Variants in CXCL12 observed in about 807,000 individuals in gnomAD.
CXCL12 encodes the protein stromal cell-derived factor 1.
Under a neutral mutation model 10.7 loss-of-function variants are expected in CXCL12, and 4 were observed. The observed-to-expected ratio is 0.37, with a 90% CI of 0.18 to 0.86. The LOEUF (loss-of-function observed/expected upper bound fraction) is 0.86. CXCL12 is among the 40% of genes least tolerant of loss of function. The pLI, the probability that CXCL12 is intolerant of heterozygous loss-of-function variation, is 0.43. For missense variants in CXCL12, 122 were observed against 110.4 expected (o/e 1.10, Z -0.47); for synonymous variants, 54 against 45.4 (o/e 1.19, Z -0.77).
intron 2 of CXCL12, 71 bp from the exon 3 acceptor site, chr10:44,378,794 T>C: frequency 6.7e-7 from 1 of 1,492,642 alleles, no homozygotes. Context: ...GTGCATCCGC[T>C]CCCCCAACAC....
chr10:44,374,753 T>C (rs1183079935), downstream of CXCL12: 1 of 444,148 alleles, frequency 2.3e-6, no homozygotes, highest in Admixed American at 2.4e-5. Flanking sequence ...CTCCAACCAC[T>C]TTCTCTTTCT....
chr10:44,378,515 C>A lies in CXCL12; in HGVS notation c.*118G>T. Reference sequence around the variant, plus strand: ...CCCAGATCAATGTGCCCACCCCACACACACACCTGGTCCTCATGGTTAAGG... The same window carrying A: ...CCCAGATCAATGTGCCCACCCCACAAACACACCTGGTCCTCATGGTTAAGG... On this transcript the variant is annotated 3_prime_UTR_variant, in exon 3 of 3. Coordinates refer to ENST00000343575, the MANE Select transcript of CXCL12 (RefSeq NM_199168.4). The A allele has an allele frequency of 1.3e-6, 2 of 1,561,000 alleles. No individual in the cohort carries two copies. Among genetic ancestry groups the A allele is most frequent in the East Asian group, 2.3e-5 (1 of 43,418 alleles).
At chr10:44,372,880 A>G, downstream of CXCL12, 1 of 1,534,092 alleles carries the variant, frequency 6.5e-7, no homozygotes, top group Non-Finnish European at 8.7e-7. Context: ...CACAGAGAGA[A>G]GCCTTCACTA....
In CXCL12 at chr10:44,380,409, A is replaced by T. The variant is rs1183694752; in HGVS notation, c.179+354T>A. On this transcript the variant is annotated intron_variant, in intron 2 of 2. Transcript: ENST00000343575. ...GATCCCCGAAACTGGCAGGCCAGTT[A>T]TCACTGTTATTAGCTAAGGGCTGGC... 4 of 212,850 alleles carry T rather than the reference A, an allele frequency of 1.9e-5. No homozygotes were observed. The Admixed American group carries it at 2.1e-4, about 11-fold the overall frequency. 13.2% of individuals were successfully genotyped at this position (212,850 alleles called of 1,614,324 possible). A position where few individuals can be genotyped will look rare whatever the true frequency, so the allele number is the denominator to read the frequency against.
At chr10:44,372,621 G>C, downstream of CXCL12, 1 of 1,332,472 alleles carries the variant, frequency 7.5e-7, no homozygotes, top group Non-Finnish European at 9.6e-7. Context: ...CTTTGGTCCT[G>C]AGAGTCCTTT....
downstream of CXCL12, chr10:44,371,345 T>A (rs763404361): frequency 2.1e-6 from 1 of 485,240 alleles, no homozygotes; most frequent in Non-Finnish European, 4.1e-6. Flanking sequence ...GTTCATGGAT[T>A]GGGGGCAGGT....
At chr10:44,371,219 G>C (rs1035428798), downstream of CXCL12, 2 of 259,288 alleles carry the variant, frequency 7.7e-6, no homozygotes, top group East Asian at 2.8e-4. Flanking sequence ...TTTCCCTGCA[G>C]TTTCTACTCT....
Position 44,385,035 on chromosome 10 carries a change from G to T in CXCL12, c.-30C>A, listed in dbSNP as rs899226039. On this transcript the variant is annotated 5_prime_UTR_variant, in exon 1 of 3. Coordinates refer to ENST00000343575, the MANE Select transcript of CXCL12 (RefSeq NM_199168.4). Reference sequence around the variant, plus strand: ...CGGGCGGGCGGGCGGGCGGGCGGACGAGCGCGGGTCGGGGGCCGGACGCCG... The same window carrying T: ...CGGGCGGGCGGGCGGGCGGGCGGACTAGCGCGGGTCGGGGGCCGGACGCCG... 7.0e-6 allele frequency: 10 copies of T among 1,435,392 alleles called. No homozygotes were observed. In the East Asian group the frequency reaches 2.9e-4, roughly 42 times the overall value. The allele number at this position is 1,435,392 out of a possible 1,614,324, so 88.9% of individuals were successfully genotyped here. A position where few individuals can be genotyped will look rare whatever the true frequency, so the allele number is the denominator to read the frequency against.
chr10:44,372,676 A>G, downstream of CXCL12: 1 of 1,410,144 alleles, frequency 7.1e-7, no homozygotes, highest in Non-Finnish European at 9.2e-7. Context: ...ATGATGGATG[A>G]GACAGAGAAT....
At chr10:44,372,697 A>G, downstream of CXCL12, 2 of 1,423,518 alleles carry the variant, frequency 1.4e-6, no homozygotes, top group Non-Finnish European at 1.8e-6. Flanking sequence ...GATGAGCAGA[A>G]CGTGGAGGAT....
chr10:44,375,831 C>G (rs530428719), downstream of CXCL12: 26 of 1,549,876 alleles, frequency 1.7e-5, no homozygotes, highest in African/African-American at 3.0e-4. Context: ...CCACGGAAGT[C>G]TGAGCCCCTG....
At chr10:44,383,619 G>T (rs1351302146) in intron 1 of CXCL12, among the ~76,000 whole-genome samples, 4 of 132,216 alleles carry the variant, frequency 3.0e-5, no homozygotes, top group Admixed American at 1.5e-4. Context: ...CGGGGGGGGG[G>T]GGGGGTCAGT....
downstream of CXCL12, chr10:44,371,436 C>G (rs1333041800): frequency 2.3e-6 from 1 of 427,804 alleles, no homozygotes; most frequent in Non-Finnish European, 4.6e-6. Flanking sequence ...CTCAATTATA[C>G]TGGTATAGTG....
chr10:44,380,755 A>G lies in CXCL12; in HGVS notation c.179+8T>C. On this transcript the variant is annotated splice_region_variant and intron_variant, in intron 2 of 2. Coordinates refer to ENST00000343575, the MANE Select transcript of CXCL12 (RefSeq NM_199168.4). ...GTTCGTTAGATGATGTTCAATTTCA[A>G]GACTTACACAATCTGAAGGGCACAG... 2 of 1,605,828 alleles carry G rather than the reference A, an allele frequency of 1.2e-6. No individual in the cohort carries two copies. The highest frequency in any genetic ancestry group is 8.5e-7 in the Non-Finnish European group (1 of 1,172,358).
At position 44,377,264 on chromosome 10, in the gene CXCL12, T is replaced by C; in HGVS notation, c.*1369A>G. The C allele has an allele frequency of 1.0e-6, 1 of 1,001,106 alleles. No homozygotes were observed. The highest frequency in any genetic ancestry group is 1.2e-6 in the Non-Finnish European group (1 of 839,776). 62.0% of individuals were successfully genotyped at this position (1,001,106 alleles called of 1,614,324 possible). A position where few individuals can be genotyped will look rare whatever the true frequency, so the allele number is the denominator to read the frequency against. On this transcript the variant is annotated 3_prime_UTR_variant, in exon 3 of 3. Coordinates refer to ENST00000343575, the MANE Select transcript of CXCL12 (RefSeq NM_199168.4). Reference sequence around the variant, plus strand: ...ATCACATTTATATATCATATATATTTCTTTACAAATTGCCAGTAGTTTGAG... The same window carrying C: ...ATCACATTTATATATCATATATATTCCTTTACAAATTGCCAGTAGTTTGAG...
chr10:44,379,371 T>C (rs1006607558), intron 2 of CXCL12, among the ~76,000 whole-genome samples: 1 of 152,160 alleles, frequency 6.6e-6, no homozygotes. Context: ...ATTTGTTTTT[T>C]AAAAGTTCAC....
chr10:44,380,147 C>T (rs974287864), intron 2 of CXCL12, among the ~76,000 whole-genome samples: 11 of 152,298 alleles, frequency 7.2e-5, no homozygotes, highest in African/African-American at 2.2e-4. Context: ...GCATTTCTCC[C>T]GGTCTTCTGT....
intron 1 of CXCL12, among the ~76,000 whole-genome samples, chr10:44,383,436 T>G (rs556209409): frequency 1.1e-3 from 172 of 151,950 alleles, no homozygotes; most frequent in African/African-American, 3.7e-3. Flanking sequence ...AGGTTCCTCA[T>G]TCCAATCCTC....
In CXCL12 at chr10:44,378,321, G is replaced by C. The variant is rs1337617142; in HGVS notation, c.*312C>G. ...GATGATGATTGTGATGATCATGAAG[G>C]AACTAACTGCTTGAAAATGCTGTTG... is the stretch of plus-strand genomic sequence containing the variant. On this transcript the variant is annotated 3_prime_UTR_variant, in exon 3 of 3. Coordinates refer to ENST00000343575, the MANE Select transcript of CXCL12 (RefSeq NM_199168.4). 6.7e-6 allele frequency: 10 copies of C among 1,482,402 alleles called. No homozygotes were observed. The highest frequency in any genetic ancestry group is 8.1e-6 in the Non-Finnish European group (9 of 1,106,534). 91.8% of individuals were successfully genotyped at this position (1,482,402 alleles called of 1,614,324 possible).
Sources: gnomAD v4.1 joint callset for allele counts (sites outside exome capture counted in the v4.1 genomes callset) on GRCh38, gnomAD v4.1.1 for gene constraint, MANE v1.5 for transcripts, NCBI Gene and HGNC (gene_info 2026-07-23, HGNC 2026-07-21) for gene names.